Variants in GRIK2 observed in about 807,000 individuals in gnomAD.
GRIK2 encodes the protein glutamate ionotropic receptor kainate type subunit 2, also known as glutamate receptor ionotropic, kainate 2.
In GRIK2, 32 loss-of-function variants were observed where a neutral mutation model predicts 100.3. The ratio of observed to expected loss-of-function variants is 0.32; its 90% confidence interval spans 0.24 to 0.43. GRIK2 has a LOEUF of 0.43. GRIK2 is among the 20% of genes least tolerant of loss of function. GRIK2 has a pLI of 1.00. For synonymous variants in GRIK2, 417 were observed against 389.4 expected (o/e 1.07, Z -0.83); for missense variants, 843 against 1,114.9 (o/e 0.76, Z 3.47).
intron 2 of GRIK2, among the ~76,000 whole-genome samples, chr6:101,544,863 C>T (rs1776162385): frequency 6.6e-6 from 1 of 152,314 alleles, no homozygotes; most frequent in Non-Finnish European, 1.5e-5. Context: ...CTCAATGTTA[C>T]AATCTGCCAA....
chr6:102,035,995 C>T (rs1770248200), intron 15 of GRIK2, among the ~76,000 whole-genome samples: 1 of 151,194 alleles, frequency 6.6e-6, no homozygotes, highest in Non-Finnish European at 1.5e-5. Context: ...TGAATATTAT[C>T]AGAATTGTTT....
intron 14 of GRIK2, among the ~76,000 whole-genome samples, chr6:101,977,231 CTATGTTATGTTATGTTATGTTATGT>C (rs58581420): frequency 1.4e-5 from 2 of 146,438 alleles, no homozygotes; most frequent in African/African-American, 2.6e-5. Flanking sequence ...TTATTAGTGG[CTATGTTATGTTATGTTATGTTATGT>C]TATGTTATGT....
chr6:101,896,019 T>C (rs1238527637), intron 12 of GRIK2, among the ~76,000 whole-genome samples: 1 of 151,794 alleles, frequency 6.6e-6, no homozygotes. Context: ...GATTAAAATA[T>C]TTCCATAGTA....
At chr6:101,906,006 A>G (rs1232651182) in intron 12 of GRIK2, among the ~76,000 whole-genome samples, 2 of 151,704 alleles carry the variant, frequency 1.3e-5, no homozygotes, top group African/African-American at 4.8e-5. Context: ...GCAACTAAAA[A>G]TAGTTTGATT....
intron 10 of GRIK2, among the ~76,000 whole-genome samples, chr6:101,853,726 T>C (rs978426513): frequency 3.9e-5 from 6 of 152,160 alleles, no homozygotes; most frequent in African/African-American, 1.4e-4. Flanking sequence ...TAAACTGTGG[T>C]ATATTCACAC....
intron 2 of GRIK2, among the ~76,000 whole-genome samples, chr6:101,609,325 A>G (rs1779572409): frequency 6.6e-6 from 1 of 151,886 alleles, no homozygotes; most frequent in Non-Finnish European, 1.5e-5. Flanking sequence ...GGAAAAAAAT[A>G]CCTATTATTG....
chr6:101,410,761 C>G (rs1221341355), intron 2 of GRIK2, among the ~76,000 whole-genome samples: 1 of 152,014 alleles, frequency 6.6e-6, no homozygotes, highest in Admixed American at 6.6e-5. Context: ...GTATTACAAG[C>G]CTGCACATGT....
chr6:101,575,763 G>A (rs745346292), intron 2 of GRIK2, among the ~76,000 whole-genome samples: 68 of 152,040 alleles, frequency 4.5e-4, no homozygotes, highest in South Asian at 1.0e-3. Context: ...TGAGCTTTGC[G>A]GCTGGTCTAA....
chr6:101,487,309 C>G (rs766777846), intron 2 of GRIK2, among the ~76,000 whole-genome samples: 1 of 146,338 alleles, frequency 6.8e-6, no homozygotes. Flanking sequence ...TTCAAAGACA[C>G]TGACCATTCT....
At chr6:101,589,430 C>A (rs900104592) in intron 2 of GRIK2, among the ~76,000 whole-genome samples, 3 of 152,052 alleles carry the variant, frequency 2.0e-5, no homozygotes, top group Non-Finnish European at 4.4e-5. Context: ...TAACCTTTGA[C>A]CAATATCTCT....
At chr6:101,911,309 C>T (rs1353961393) in intron 12 of GRIK2, among the ~76,000 whole-genome samples, 1 of 151,524 alleles carries the variant, frequency 6.6e-6, no homozygotes, top group African/African-American at 2.4e-5. Flanking sequence ...TGCCTCATTA[C>T]ATGAATCAGT....
At chr6:102,024,888 A>T (rs1195610789) in intron 14 of GRIK2, among the ~76,000 whole-genome samples, 1 of 150,266 alleles carries the variant, frequency 6.7e-6, no homozygotes, top group Non-Finnish European at 1.5e-5. Flanking sequence ...TGATCATTAC[A>T]AATTATATGA....
rs139533405 is a variant in GRIK2, at chr6:101,962,297, A to G, written c.2085+33665A>G. Among the ~76,000 whole-genome samples the G allele has an allele frequency of 1.1e-4, 17 of 151,312 alleles. No individual in the cohort carries two copies. In the East Asian group the frequency reaches 3.1e-3, roughly 28 times the overall value. On this transcript the variant is annotated intron_variant, in intron 14 of 16. Coordinates refer to ENST00000369134, the MANE Select transcript of GRIK2 (RefSeq NM_021956.5). Reference sequence around the variant, plus strand: ...TAACTGGCAACTCTGGTTCTTCTTTATGAAAACTGGCATTCAATGCCTCTA... The same window carrying G: ...TAACTGGCAACTCTGGTTCTTCTTTGTGAAAACTGGCATTCAATGCCTCTA...
intron 7 of GRIK2, among the ~76,000 whole-genome samples, chr6:101,778,103 T>C (rs1235546780): frequency 6.6e-6 from 1 of 152,210 alleles, no homozygotes; most frequent in African/African-American, 2.4e-5. Flanking sequence ...TGGAATACTA[T>C]GTGAGGTATT....
intron 2 of GRIK2, among the ~76,000 whole-genome samples, chr6:101,558,190 G>T (rs1776835411): frequency 6.6e-6 from 1 of 152,182 alleles, no homozygotes; most frequent in African/African-American, 2.4e-5. Flanking sequence ...CCATGCAGAA[G>T]GCTGTATCAT....
Position 101,802,325 on chromosome 6 carries a change from C to T in GRIK2, c.1096-6C>T, listed in dbSNP as rs1393024273. The stretch of plus-strand genomic sequence containing the variant: ...ATTTATTATCAATGTTTTTCTATTC[C>T]CATAGGCACATTGGGAAGGCCTCAC... On this transcript the variant is annotated splice_region_variant and splice_polypyrimidine_tract_variant and intron_variant, in intron 8 of 16. Coordinates refer to ENST00000369134, the MANE Select transcript of GRIK2 (RefSeq NM_021956.5). 7.6e-7 allele frequency: 1 copy of T among 1,320,334 alleles called. No individual in the cohort carries two copies. The highest frequency in any genetic ancestry group is 1.3e-5 in the South Asian group (1 of 76,214). 81.8% of individuals were successfully genotyped at this position (1,320,334 alleles called of 1,614,324 possible).
chr6:101,576,680 C>A (rs1777804134), intron 2 of GRIK2, among the ~76,000 whole-genome samples: 1 of 151,748 alleles, frequency 6.6e-6, no homozygotes, highest in African/African-American at 2.4e-5. Flanking sequence ...ATTTTTCTAC[C>A]AGAATCAAAC....
rs564759766 is a variant in GRIK2, at chr6:101,772,159, G to T, written c.952-27489G>T. Among the ~76,000 whole-genome samples, 4 of 152,170 alleles carry T rather than the reference G, an allele frequency of 2.6e-5. No individual in the cohort carries two copies. In the South Asian group the frequency reaches 6.2e-4, roughly 24 times the overall value. ...CTTCATTCTCAGAGGGAGATATAAA[G>T]GTGGCATCAAGGTTTATAATCCACC... On this transcript the variant is annotated intron_variant, in intron 7 of 16. Coordinates refer to ENST00000369134, the MANE Select transcript of GRIK2 (RefSeq NM_021956.5).
chr6:101,775,551 GA>G (rs111997062), intron 7 of GRIK2, among the ~76,000 whole-genome samples: 149,138 of 150,486 alleles, frequency 0.99, 73,915 homozygotes, highest in South Asian at 1. Flanking sequence ...ATGTGTGTGA[GA>G]TATATATATA....
Sources: gnomAD v4.1 joint callset for allele counts (sites outside exome capture counted in the v4.1 genomes callset) on GRCh38, gnomAD v4.1.1 for gene constraint, MANE v1.5 for transcripts, NCBI Gene and HGNC (gene_info 2026-07-23, HGNC 2026-07-21) for gene names.